SLC39A11: variants seen among roughly 807,000 people sequenced by gnomAD.
SLC39A11 encodes the protein solute carrier family 39 member 11, also known as zinc transporter ZIP11.
In SLC39A11, 33 loss-of-function variants were observed where a neutral mutation model predicts 36.1. The observed-to-expected ratio is 0.91, with a 90% CI of 0.69 to 1.22. The LOEUF is 1.22. SLC39A11 is among the 50% of genes most tolerant of loss of function. The probability of loss-of-function intolerance (pLI) is 0.00; values close to 1 mark genes in which losing one functional copy is unlikely to be tolerated. For missense variants in SLC39A11, 432 were observed against 430.3 expected (o/e 1.00, Z -0.03); for synonymous variants, 166 against 170.3 (o/e 0.97, Z 0.20).
intron 4 of SLC39A11, among the ~76,000 whole-genome samples, chr17:72,978,215 TTC>T (rs142305749): frequency 0.037 from 5,530 of 150,684 alleles, 123 homozygotes; most frequent in Non-Finnish European, 0.056. Context: ...TTCCTCTTCC[TTC>T]CTTCCTTCCT....
chr17:72,946,201 T>A (rs2147698449), intron 5 of SLC39A11, among the ~76,000 whole-genome samples: 1 of 152,342 alleles, frequency 6.6e-6, no homozygotes, highest in African/African-American at 2.4e-5. Context: ...CCTAAAGCGT[T>A]CTGATGGGTA....
intron 4 of SLC39A11, among the ~76,000 whole-genome samples, chr17:73,012,133 G>A (rs1048711548): frequency 1.3e-5 from 2 of 151,822 alleles, no homozygotes; most frequent in African/African-American, 2.4e-5. Flanking sequence ...AAAACTAGCC[G>A]GGCGTGGTGG....
At chr17:73,004,200 A>G (rs2090018752) in intron 4 of SLC39A11, among the ~76,000 whole-genome samples, 1 of 124,058 alleles carries the variant, frequency 8.1e-6, no homozygotes, top group Non-Finnish European at 1.7e-5. Context: ...AGAAAGAAAG[A>G]AAGAAAGAAA....
At chr17:73,011,782 T>C (rs58299944) in intron 4 of SLC39A11, among the ~76,000 whole-genome samples, 40,795 of 150,078 alleles carry the variant, frequency 0.27, 8,290 homozygotes, top group African/African-American at 0.57. Flanking sequence ...CTGCCTCAGC[T>C]TCTCAAGTAG....
At chr17:73,076,763 G>A (rs1308446298) in intron 3 of SLC39A11, among the ~76,000 whole-genome samples, 5 of 151,762 alleles carry the variant, frequency 3.3e-5, no homozygotes, top group Non-Finnish European at 5.9e-5. Context: ...AGTGACCTAG[G>A]AGAAGTAAGG....
In SLC39A11 at chr17:72,822,246, CTATA is replaced by C. The variant is rs199866619; in HGVS notation, c.601+27384_601+27387del. On this transcript the variant is annotated intron_variant, in intron 6 of 9. Coordinates refer to ENST00000255559, the MANE Select transcript of SLC39A11 (RefSeq NM_139177.4). ...ACTATATACATACTATACACACATA[CTATA>C]TATATATAGAGAGAGAGAATATATA... Among the ~76,000 whole-genome samples the C allele has an allele frequency of 3.4e-5, 5 of 145,250 alleles. 1 individual carries two copies. The highest frequency in any genetic ancestry group is 6.1e-5 in the Non-Finnish European group (4 of 66,014).
At chr17:72,928,840 A>T (rs2084213530) in intron 5 of SLC39A11, among the ~76,000 whole-genome samples, 1 of 152,246 alleles carries the variant, frequency 6.6e-6, no homozygotes, top group Admixed American at 6.5e-5. Flanking sequence ...TGACAAAACC[A>T]CAGGTAGGCT....
chr17:73,008,899 AT>A (rs201748499), intron 4 of SLC39A11, among the ~76,000 whole-genome samples: 9 of 151,944 alleles, frequency 5.9e-5, no homozygotes, highest in African/African-American at 1.9e-4. Flanking sequence ...ACAAAAAAAA[AT>A]AAATAAATAA....
At chr17:72,846,810 T>G (rs1017754005) in intron 6 of SLC39A11, among the ~76,000 whole-genome samples, 5 of 152,220 alleles carry the variant, frequency 3.3e-5, no homozygotes, top group African/African-American at 1.2e-4. Context: ...AGATCTTTAC[T>G]CTTCCTCAAT....
intron 3 of SLC39A11, among the ~76,000 whole-genome samples, chr17:73,076,825 G>C (rs1168085791): frequency 7.0e-6 from 1 of 141,922 alleles, no homozygotes; most frequent in Admixed American, 7.3e-5. Context: ...TTTTACATCT[G>C]AATTTTTCCA....
At chr17:72,966,487 C>A (rs1394820682) in intron 4 of SLC39A11, among the ~76,000 whole-genome samples, 1 of 152,106 alleles carries the variant, frequency 6.6e-6, no homozygotes, top group Non-Finnish European at 1.5e-5. Context: ...CCCCAATCCC[C>A]AGGTCACAAA....
chr17:72,961,910 T>C (rs2452928), intron 4 of SLC39A11, among the ~76,000 whole-genome samples: 129,316 of 152,198 alleles, frequency 0.85, 56,532 homozygotes, highest in East Asian at 1. Flanking sequence ...AAAGAAATAG[T>C]ATGCAAATGG....
At chr17:72,784,860 CTTTTT>C (rs10594452) in intron 6 of SLC39A11, among the ~76,000 whole-genome samples, 3 of 134,712 alleles carry the variant, frequency 2.2e-5, no homozygotes, top group African/African-American at 2.7e-5. Context: ...TTTCTTTCTT[CTTTTT>C]TTTTTTTTTT....
At chr17:72,762,099 C>T (rs988598729) in intron 6 of SLC39A11, among the ~76,000 whole-genome samples, 1 of 152,196 alleles carries the variant, frequency 6.6e-6, no homozygotes, top group Non-Finnish European at 1.5e-5. Context: ...GGCGTTGGAA[C>T]AAGAGCAACT....
At chr17:72,906,088 C>G (rs2082643904) in intron 5 of SLC39A11, among the ~76,000 whole-genome samples, 1 of 152,168 alleles carries the variant, frequency 6.6e-6, no homozygotes, top group African/African-American at 2.4e-5. Flanking sequence ...CTTTTGGGTT[C>G]ACAACGAGCT....
intron 3 of SLC39A11, among the ~76,000 whole-genome samples, chr17:73,053,573 A>G (rs2059577277): frequency 6.6e-6 from 1 of 152,220 alleles, no homozygotes; most frequent in Non-Finnish European, 1.5e-5. Context: ...AGACAGTACT[A>G]TCATCTCCAT....
intron 5 of SLC39A11, among the ~76,000 whole-genome samples, chr17:72,880,109 G>A (rs916463388): frequency 6.6e-6 from 1 of 152,188 alleles, no homozygotes; most frequent in Non-Finnish European, 1.5e-5. Context: ...GTGTTGGTCT[G>A]TTACTGCACA....
chr17:72,727,707 G>T (rs1172763462), intron 7 of SLC39A11, among the ~76,000 whole-genome samples: 1 of 151,922 alleles, frequency 6.6e-6, no homozygotes, highest in Non-Finnish European at 1.5e-5. Flanking sequence ...TGAACTACAG[G>T]CCTCCCTCTG....
intron 6 of SLC39A11, among the ~76,000 whole-genome samples, chr17:72,755,367 G>A (rs77441468): frequency 0.099 from 15,027 of 152,308 alleles, 835 homozygotes; most frequent in Middle Eastern, 0.15. Context: ...AGAAGGTGGA[G>A]CAAGTTAGGG....
Sources: gnomAD v4.1 joint callset for allele counts (sites outside exome capture counted in the v4.1 genomes callset) on GRCh38, gnomAD v4.1.1 for gene constraint, MANE v1.5 for transcripts, NCBI Gene and HGNC (gene_info 2026-07-23, HGNC 2026-07-21) for gene names.